The following SFI1 variants were observed in gnomAD, a reference collection of about 807,000 sequenced individuals.
The protein encoded by SFI1 is SFI1 centrin binding protein, also known as protein SFI1 homolog.
A neutral mutation model predicts 207.5 loss-of-function variants in SFI1; 195 were observed. The ratio of observed to expected loss-of-function variants is 0.94; its 90% CI spans 0.84 to 1.06. The LOEUF is 1.06. SFI1 is among the 50% of genes least tolerant of loss of function. The pLI is 0.00. For missense variants in SFI1, 1,634 were observed against 1,588.0 expected (o/e 1.03, Z -0.49); for synonymous variants, 630 against 598.9 (o/e 1.05, Z -0.76).
intron 14 of SFI1, chr22:31,587,969 T>A (rs1183569052): frequency 6.6e-6 from 1 of 152,216 alleles, no homozygotes; most frequent in Non-Finnish European, 1.5e-5. Flanking sequence ...TCTATTCACA[T>A]ACACATACAT....
At chr22:31,534,302 C>T (rs897922622) in intron 4 of SFI1, among the ~76,000 whole-genome samples, 5 of 152,166 alleles carry the variant, frequency 3.3e-5, no homozygotes, top group African/African-American at 9.6e-5. Context: ...CTATTATTCT[C>T]ATTTTATATA....
intron 12 of SFI1, among the ~76,000 whole-genome samples, chr22:31,580,813 G>A (rs2064058944): frequency 6.6e-6 from 1 of 152,024 alleles, no homozygotes; most frequent in Non-Finnish European, 1.5e-5. Context: ...AAAGTGCTGG[G>A]ATTACAGGCG....
chr22:31,530,257 G>A lies in SFI1; in HGVS notation c.267-801G>A, dbSNP rs1311563934. Among the ~76,000 whole-genome samples the A allele has an allele frequency of 4.2e-5, 6 of 144,070 alleles. No individual in the cohort carries two copies. In the East Asian group the frequency reaches 6.2e-4, roughly 15 times the overall value. 94.5% of individuals were successfully genotyped at this position (144,070 alleles called of 152,430 possible). A position where few individuals can be genotyped will look rare whatever the true frequency, so the allele number is the denominator to read the frequency against. On this transcript the variant is annotated intron_variant, in intron 3 of 32. Coordinates refer to ENST00000400288, the MANE Select transcript of SFI1 (RefSeq NM_001007467.3). ...TGTAATCCCAGCACTTTGGGAGGCC[G>A]AGGCGGGTGGATCATGAGGTCAGGA...
chr22:31,519,749 T>C (rs2056988421), intron 2 of SFI1, among the ~76,000 whole-genome samples: 2 of 151,784 alleles, frequency 1.3e-5, no homozygotes, highest in South Asian at 2.1e-4. Flanking sequence ...AATTTTTTAA[T>C]TTTTTGTAGA....
At position 31,550,220 on chromosome 22, in the gene SFI1, G is replaced by A. The variant is rs767716806; in HGVS notation, c.450-34G>A. 6.9e-6 allele frequency: 11 copies of A among 1,584,216 alleles called. No homozygotes were observed. The South Asian group carries it at 1.1e-4, about 16-fold the overall frequency. ...GCCACCGCGCCCGGCCTGTTATTTT[G>A]AAGAAATGCCATTTACTTTTTTTGG... On this transcript the variant is annotated intron_variant, in intron 5 of 32. Coordinates refer to ENST00000400288, the MANE Select transcript of SFI1 (RefSeq NM_001007467.3).
intron 29 of SFI1, chr22:31,615,764 G>A: frequency 6.4e-6 from 1 of 155,168 alleles, no homozygotes; most frequent in Non-Finnish European, 1.4e-5. Flanking sequence ...AGATGAGGCA[G>A]GATATGCTGC....
chr22:31,503,584 GTTTTT>G (rs34588094), intron 1 of SFI1, among the ~76,000 whole-genome samples: 1 of 94,476 alleles, frequency 1.1e-5, no homozygotes, highest in Admixed American at 1.2e-4. Flanking sequence ...TTCTTGGACT[GTTTTT>G]TTTTTTTTTT....
At chr22:31,601,975 T>TTTTTTTTTTTTG (rs1220480206) in intron 15 of SFI1, among the ~76,000 whole-genome samples, 1 of 141,120 alleles carries the variant, frequency 7.1e-6, no homozygotes, top group Non-Finnish European at 1.6e-5. Flanking sequence ...AATTTTTTTG[T>TTTTTTTTTTTTG]AGAGATGGAG....
intron 22 of SFI1, 48 bp downstream of exon 22, chr22:31,608,081 C>A: frequency 2.0e-6 from 3 of 1,483,536 alleles, no homozygotes; most frequent in Middle Eastern, 3.4e-4. Flanking sequence ...GTGAAGACAG[C>A]GCTGTTGTGG....
In SFI1 at chr22:31,546,879, AT is replaced by A; in HGVS notation, c.359del (p.Leu120TyrfsTer37). On this transcript the variant is annotated frameshift_variant, in exon 5 of 33. Transcript: ENST00000400288. LOFTEE classifies it high-confidence loss of function. ...GCCGTAGATTTTACTATGAGCAGCG[AT>A]TACTACGGAAGGTCTTCGAAGAATG... ...SKARFYYEQR[L>X]LRKVFEEWKE... 6.2e-7 allele frequency: 1 copy of A among 1,608,870 alleles called. No homozygotes were observed. The highest frequency in any genetic ancestry group is 8.5e-7 in the Non-Finnish European group (1 of 1,177,710).
At chr22:31,592,929 C>G (rs1462923743) in intron 15 of SFI1, among the ~76,000 whole-genome samples, 2 of 110,900 alleles carry the variant, frequency 1.8e-5, no homozygotes, top group Non-Finnish European at 3.7e-5. Flanking sequence ...CCAGTAGGGG[C>G]GGCCGGGCAG....
At chr22:31,553,786 G>C (rs763943008) in intron 6 of SFI1, among the ~76,000 whole-genome samples, 1 of 140,142 alleles carries the variant, frequency 7.1e-6, no homozygotes, top group Non-Finnish European at 1.5e-5. Flanking sequence ...TTTTGCAGAG[G>C]AAAAGTTTTT....
intron 2 of SFI1, among the ~76,000 whole-genome samples, chr22:31,516,937 A>G (rs902464654): frequency 8.1e-5 from 12 of 148,970 alleles, no homozygotes; most frequent in African/African-American, 3.0e-4. Context: ...CTGGGCAACA[A>G]GAGCGAAACT....
intron 16 of SFI1, 113 bp from the exon 17 acceptor site, chr22:31,602,494 G>A: frequency 7.5e-7 from 1 of 1,326,904 alleles, no homozygotes; most frequent in South Asian, 1.3e-5. Flanking sequence ...ACCACGTCCT[G>A]ACATCCATTC....
At chr22:31,540,636 A>C (rs1408241632) in intron 4 of SFI1, among the ~76,000 whole-genome samples, 2 of 150,134 alleles carry the variant, frequency 1.3e-5, no homozygotes, top group Non-Finnish European at 3.0e-5. Flanking sequence ...GCTGGAGTGC[A>C]ATGGCATGAT....
chr22:31,618,344 G>A lies in SFI1; in HGVS notation c.3655G>A (p.Glu1219Lys). ...VEMQIQLLAEELQAQRQPIGA... is the reference protein window; with the variant it reads ...VEMQIQLLAEKLQAQRQPIGA... ...AATGCAGATCCAGCTGCTGGCAGAG[G>A]AGCTCCAGGCTCAGCGCCAGCCCAT... is the stretch of plus-strand genomic sequence containing the variant. Residue 1219 changes from glutamate to lysine, a missense_variant, in exon 33 of 33, where the codon GAG becomes AAG. Glu to Lys is a moderately conservative substitution (Grantham distance 56, BLOSUM62 1). Transcript: ENST00000400288. The A allele has an allele frequency of 3.7e-6, 6 of 1,609,876 alleles. No homozygotes were observed. Among genetic ancestry groups the A allele is most frequent in the Non-Finnish European group, 5.1e-6 (6 of 1,177,474 alleles).
intron 4 of SFI1, among the ~76,000 whole-genome samples, chr22:31,531,488 C>T (rs1204046398): frequency 1.3e-5 from 2 of 152,146 alleles, no homozygotes; most frequent in African/African-American, 2.4e-5. Context: ...GGCAGGGCGC[C>T]GTGGCTCACG....
chr22:31,496,862 C>T (rs2052734364), intron 1 of SFI1, among the ~76,000 whole-genome samples: 10 of 152,172 alleles, frequency 6.6e-5, no homozygotes, highest in Admixed American at 6.5e-4. Context: ...AGCCTGCCAT[C>T]CTCTCCCGCC....
intron 13 of SFI1, among the ~76,000 whole-genome samples, chr22:31,584,598 CAT>C (rs1445878136): frequency 1.3e-5 from 2 of 152,086 alleles, no homozygotes; most frequent in Non-Finnish European, 2.9e-5. Flanking sequence ...ACTTAATTTG[CAT>C]AGTTTAGCTC....
Sources: allele counts gnomAD v4.1 joint callset (sites outside exome capture counted in the v4.1 genomes callset), GRCh38; gene constraint gnomAD v4.1.1; transcripts MANE v1.5; gene names NCBI Gene and HGNC (gene_info 2026-07-23, HGNC 2026-07-21).